Variants in ARMH3 observed in about 807,000 individuals in gnomAD.
The protein encoded by ARMH3 is armadillo like helical domain containing 3, also known as armadillo-like helical domain-containing protein 3.
Under a neutral mutation model 99.1 loss-of-function variants are expected in ARMH3, and 60 were observed. The ratio of observed to expected loss-of-function variants is 0.61; its 90% CI spans 0.49 to 0.75. ARMH3 has a LOEUF of 0.75. ARMH3 is among the 30% of genes least tolerant of loss of function. The pLI is 0.00. For synonymous variants in ARMH3, 285 were observed against 292.8 expected (o/e 0.97, Z 0.27); for missense variants, 679 against 843.1 (o/e 0.81, Z 2.41).
intron 17 of ARMH3, among the ~76,000 whole-genome samples, chr10:101,993,112 A>C (rs1025142800): frequency 6.6e-5 from 10 of 151,810 alleles, no homozygotes; most frequent in Non-Finnish European, 1.5e-4. Flanking sequence ...CTGTAACGAA[A>C]ATACAAAAAT....
intron 20 of ARMH3, among the ~76,000 whole-genome samples, chr10:101,958,057 T>A (rs901177310): frequency 6.6e-6 from 1 of 152,242 alleles, no homozygotes; most frequent in Non-Finnish European, 1.5e-5. Flanking sequence ...GATTTCCCCA[T>A]CAAATTTGCT....
intron 14 of ARMH3, 48 bp downstream of exon 14, chr10:102,006,492 G>C (rs746432730): frequency 1.9e-6 from 3 of 1,561,490 alleles, no homozygotes; most frequent in African/African-American, 1.4e-5. Context: ...CACTCTGAGA[G>C]ATCTAAGATC....
intron 23 of ARMH3, among the ~76,000 whole-genome samples, chr10:101,924,128 C>T (rs183973529): frequency 6.6e-6 from 1 of 152,246 alleles, no homozygotes; most frequent in Admixed American, 6.5e-5. Context: ...ATAACAAATA[C>T]ACAGAATGAC....
chr10:101,962,542 A>G (rs1845344591), intron 20 of ARMH3, among the ~76,000 whole-genome samples: 1 of 152,230 alleles, frequency 6.6e-6, no homozygotes, highest in African/African-American at 2.4e-5. Context: ...AACACTTATT[A>G]GGTGCTTGCT....
chr10:101,910,794 G>C (rs1272333609), intron 23 of ARMH3, among the ~76,000 whole-genome samples: 1 of 149,188 alleles, frequency 6.7e-6, no homozygotes, highest in Non-Finnish European at 1.5e-5. Context: ...TCACAATCCA[G>C]GTCAAGCCCA....
At chr10:101,969,887 C>T (rs1459728637) in intron 20 of ARMH3, among the ~76,000 whole-genome samples, 1 of 152,188 alleles carries the variant, frequency 6.6e-6, no homozygotes, top group African/African-American at 2.4e-5. Flanking sequence ...TCTCTACTCC[C>T]TTCCCCAACA....
intron 5 of ARMH3, among the ~76,000 whole-genome samples, chr10:102,027,956 A>T (rs2067036573): frequency 6.6e-6 from 1 of 151,792 alleles, no homozygotes; most frequent in East Asian, 1.9e-4. Flanking sequence ...ATATCTGATA[A>T]GGGACATATT....
intron 15 of ARMH3, among the ~76,000 whole-genome samples, chr10:101,997,128 G>A (rs1011930353): frequency 2.0e-5 from 3 of 151,740 alleles, no homozygotes; most frequent in African/African-American, 2.4e-5. Context: ...AGCCAGGCGT[G>A]GTGGCATGCA....
chr10:101,877,581 G>A (rs568348041), intron 24 of ARMH3, among the ~76,000 whole-genome samples: 7 of 151,984 alleles, frequency 4.6e-5, no homozygotes, highest in South Asian at 2.1e-4. Flanking sequence ...GCTTGAACCC[G>A]GGAGGTGGAG....
intron 20 of ARMH3, among the ~76,000 whole-genome samples, chr10:101,967,990 G>A (rs751110264): frequency 3.1e-4 from 47 of 151,836 alleles, no homozygotes; most frequent in Admixed American, 1.2e-3. Flanking sequence ...TTCTTTAAAC[G>A]GAAATCTGCT....
At chr10:101,908,668 T>C (rs973534502) in intron 23 of ARMH3, among the ~76,000 whole-genome samples, 2 of 151,018 alleles carry the variant, frequency 1.3e-5, no homozygotes, top group African/African-American at 4.8e-5. Context: ...CTTTTTCTTT[T>C]TTTTTTTTTT....
At chr10:101,858,795 T>C (rs549188135) in intron 24 of ARMH3, among the ~76,000 whole-genome samples, 1 of 152,186 alleles carries the variant, frequency 6.6e-6, no homozygotes, top group Non-Finnish European at 1.5e-5. Context: ...AAATCTCTCA[T>C]AGCTAGATGC....
chr10:101,956,464 G>T, intron 22 of ARMH3, 133 bp downstream of exon 22: 1 of 1,160,410 alleles, frequency 8.6e-7, no homozygotes, highest in Non-Finnish European at 1.2e-6. Flanking sequence ...TGCCTGAGAA[G>T]AGGAGACTAC....
chr10:101,982,227 A>C (rs950127356), intron 19 of ARMH3, among the ~76,000 whole-genome samples: 3 of 151,646 alleles, frequency 2.0e-5, no homozygotes, highest in African/African-American at 7.3e-5. Flanking sequence ...CCAAAAAAAA[A>C]ACACAAAAAT....
intron 24 of ARMH3, among the ~76,000 whole-genome samples, chr10:101,878,695 C>T (rs1361452071): frequency 6.6e-6 from 1 of 151,676 alleles, no homozygotes; most frequent in African/African-American, 2.4e-5. Context: ...GGTATGGTGG[C>T]TCATGCCTGT....
chr10:101,851,104 G>A (rs1419800871), intron 24 of ARMH3, among the ~76,000 whole-genome samples: 1 of 152,202 alleles, frequency 6.6e-6, no homozygotes, highest in Non-Finnish European at 1.5e-5. Context: ...TATAGGGTAC[G>A]CTTTCAAGAC....
intron 24 of ARMH3, among the ~76,000 whole-genome samples, chr10:101,850,137 G>C (rs1264727671): frequency 7.9e-6 from 1 of 126,192 alleles, no homozygotes; most frequent in Non-Finnish European, 1.5e-5. Flanking sequence ...TTGCTCTGTC[G>C]CTCAGGCTGG....
intron 24 of ARMH3, among the ~76,000 whole-genome samples, chr10:101,882,650 C>T (rs1427643247): frequency 6.6e-6 from 1 of 152,132 alleles, no homozygotes. Context: ...CAAGCACATG[C>T]CACCATGCCC....
At chr10:102,020,053 C>T (rs1314183110) in intron 8 of ARMH3, among the ~76,000 whole-genome samples, 1 of 149,298 alleles carries the variant, frequency 6.7e-6, no homozygotes, top group African/African-American at 2.5e-5. Flanking sequence ...TCAAACATGT[C>T]ATCTCAAACA....
Sources: allele counts gnomAD v4.1 joint callset (sites outside exome capture counted in the v4.1 genomes callset), GRCh38; gene constraint gnomAD v4.1.1; transcripts MANE v1.5; gene names NCBI Gene and HGNC (gene_info 2026-07-23, HGNC 2026-07-21).